RAB28: variants seen among roughly 807,000 people sequenced by gnomAD.
The protein encoded by RAB28 is RAB28, member RAS oncogene family.
In RAB28, 24 loss-of-function variants were observed where a neutral mutation model predicts 31.7. The observed-to-expected ratio is 0.76, with a 90% CI of 0.55 to 1.06. RAB28 has a LOEUF of 1.06. Among genes scored for constraint, RAB28 ranks in the 50% least tolerant of loss-of-function variants. RAB28 has a pLI of 0.00. For synonymous variants in RAB28, 100 were observed against 90.4 expected, an observed-to-expected ratio of 1.11 and a Z score of -0.60; for missense variants, 254 against 258.5, an observed-to-expected ratio of 0.98 and a Z score of 0.12.
intron 4 of RAB28, among the ~76,000 whole-genome samples, chr4:13,413,916 CAGAG>C (rs575640208): frequency 1.2e-4 from 18 of 152,280 alleles, no homozygotes; most frequent in African/African-American, 4.3e-4. Context: ...TAGTCTTTCT[CAGAG>C]GGAAACTACA....
chr4:13,400,847 C>A (rs949292504), intron 4 of RAB28, among the ~76,000 whole-genome samples: 5 of 152,120 alleles, frequency 3.3e-5, no homozygotes, highest in African/African-American at 1.2e-4. Context: ...CTTATTTAGC[C>A]TACTGATATG....
chr4:13,381,656 A>T, intron 4 of RAB28, 62 bp from the exon 5 acceptor site: 1 of 1,230,008 alleles, frequency 8.1e-7, no homozygotes, highest in Non-Finnish European at 1.1e-6. Flanking sequence ...CGTTTTTAAC[A>T]TGTTTAAATT....
chr4:13,408,562 T>C (rs952808890), intron 4 of RAB28, among the ~76,000 whole-genome samples: 19 of 152,126 alleles, frequency 1.2e-4, no homozygotes, highest in African/African-American at 4.6e-4. Context: ...ACTTTTTCTA[T>C]TGCTTGGAAT....
Position 13,423,222 on chromosome 4 carries a change from A to G in RAB28, c.391+37477T>C, listed in dbSNP as rs531105319. On this transcript the variant is annotated intron_variant, in intron 4 of 6. Transcript: ENST00000330852. ...CACTTTTTGTTATGGCCCATGAGCT[A>G]AGAACAGTTGTAACCTTTAAAAAAG... 1.2e-3 allele frequency among the ~76,000 whole-genome samples: 185 copies of G among 152,244 alleles called. 2 individuals carry two copies. The highest frequency in any genetic ancestry group is 4.3e-3 in the African/African-American group (177 of 41,552).
At chr4:13,434,227 G>C (rs1399083819) in intron 4 of RAB28, among the ~76,000 whole-genome samples, 1 of 152,150 alleles carries the variant, frequency 6.6e-6, no homozygotes, top group East Asian at 1.9e-4. Context: ...ATCAGTACCT[G>C]GGTGATGGGA....
At chr4:13,373,687 T>G (rs536574021) in intron 6 of RAB28, among the ~76,000 whole-genome samples, 1 of 152,270 alleles carries the variant, frequency 6.6e-6, no homozygotes, top group African/African-American at 2.4e-5. Flanking sequence ...AGGAGCAATC[T>G]AGGTTAGAAA....
intron 4 of RAB28, among the ~76,000 whole-genome samples, chr4:13,430,558 G>C (rs997905379): frequency 1.3e-5 from 2 of 152,162 alleles, no homozygotes; most frequent in African/African-American, 4.8e-5. Context: ...ACCGGGAATG[G>C]AGAACCAGGT....
chr4:13,474,276 G>A lies in RAB28; in HGVS notation c.261+42C>T, dbSNP rs775153540. On this transcript the variant is annotated intron_variant, in intron 3 of 6. Coordinates refer to ENST00000330852, the MANE Select transcript of RAB28 (RefSeq NM_001017979.3). ...TAGATTTGCATGTGTGCTTGTAAGT[G>A]GTATACTTTCAATACTGGAATAATC... 37 of 1,270,416 alleles carry A rather than the reference G, an allele frequency of 2.9e-5. No individual in the cohort carries two copies. The East Asian group carries it at 8.6e-4, about 29-fold the overall frequency. The allele number at this position is 1,270,416 out of a possible 1,614,324, so 78.7% of individuals were successfully genotyped here. A position where few individuals can be genotyped will look rare whatever the true frequency, so the allele number is the denominator to read the frequency against.
intron 4 of RAB28, among the ~76,000 whole-genome samples, chr4:13,423,841 G>T (rs1713319129): frequency 6.6e-6 from 1 of 152,216 alleles, no homozygotes; most frequent in South Asian, 2.1e-4. Context: ...ATAATTATAA[G>T]CTGATTCTAC....
chr4:13,428,735 G>A (rs1434664290), intron 4 of RAB28, among the ~76,000 whole-genome samples: 1 of 151,948 alleles, frequency 6.6e-6, no homozygotes, highest in African/African-American at 2.4e-5. Context: ...GGTTATTTGA[G>A]GAAATAACAG....
At chr4:13,472,474 T>C (rs1577247573) in intron 3 of RAB28, among the ~76,000 whole-genome samples, 3 of 151,774 alleles carry the variant, frequency 2.0e-5, no homozygotes, top group Admixed American at 1.3e-4. Context: ...ATGGGCATAA[T>C]ACTCCCCTAA....
rs369599116 is a variant in RAB28 at position 13,416,133 on chromosome 4, A to G, written c.392-34539T>C. ...CAATCAGCAGGATGTGGGTGGGGCC[A>G]GATAAGAAAATAAAAGCAGGCTGCC... On this transcript the variant is annotated intron_variant, in intron 4 of 6. Coordinates refer to ENST00000330852, the MANE Select transcript of RAB28 (RefSeq NM_001017979.3). Among the ~76,000 whole-genome samples, 4 of 152,244 alleles carry G rather than the reference A, an allele frequency of 2.6e-5. No homozygotes were observed. The East Asian group carries it at 7.7e-4, about 29-fold the overall frequency.
chr4:13,393,100 A>T (rs1454949076), intron 4 of RAB28, among the ~76,000 whole-genome samples: 3 of 152,244 alleles, frequency 2.0e-5, no homozygotes, highest in Admixed American at 2.0e-4. Context: ...TAAGAGGGAC[A>T]CAAATAAAAA....
Position 13,385,875 on chromosome 4 carries a change from G to GT in RAB28, c.392-4282dup, listed in dbSNP as rs1240858762. On this transcript the variant is annotated intron_variant, in intron 4 of 6. Coordinates refer to ENST00000330852, the MANE Select transcript of RAB28 (RefSeq NM_001017979.3). ...TAAGCAAAAATCAACTCAAAATGGA[G>GT]TAAAGGCTTAAATTTAAGACCAGAA... is the stretch of plus-strand genomic sequence containing the variant. 2.0e-5 allele frequency among the ~76,000 whole-genome samples: 3 copies of GT among 152,208 alleles called. No homozygotes were observed. In the East Asian group the frequency reaches 5.8e-4, roughly 29 times the overall value.
chr4:13,403,762 A>G (rs1711914392), intron 4 of RAB28, among the ~76,000 whole-genome samples: 1 of 152,220 alleles, frequency 6.6e-6, no homozygotes, highest in Non-Finnish European at 1.5e-5. Context: ...GCAATCATGA[A>G]TGAGTAAATA....
At chr4:13,378,695 G>A (rs1323518502) in intron 5 of RAB28, among the ~76,000 whole-genome samples, 1 of 152,170 alleles carries the variant, frequency 6.6e-6, no homozygotes, top group Non-Finnish European at 1.5e-5. Context: ...AGTACACAAT[G>A]GAGAAGTTGG....
At chr4:13,463,862 A>T (rs530018663) in intron 3 of RAB28, among the ~76,000 whole-genome samples, 4 of 152,244 alleles carry the variant, frequency 2.6e-5, no homozygotes, top group African/African-American at 7.2e-5. Context: ...AAGGAATTAT[A>T]GGACCTTCAC....
chr4:13,458,742 T>A (rs894131406), intron 4 of RAB28, among the ~76,000 whole-genome samples: 1 of 152,228 alleles, frequency 6.6e-6, no homozygotes, highest in Middle Eastern at 3.2e-3. Context: ...AGATAAATAC[T>A]CACCATTGTG....
Position 13,427,498 on chromosome 4 carries a change from A to G in RAB28, c.391+33201T>C, listed in dbSNP as rs186774908. The stretch of plus-strand genomic sequence containing the variant: ...GGAGAAAACAAGGAGAGTATGTATG[A>G]GCTTGCAAATAGAGGAAGCCAAGGT... On this transcript the variant is annotated intron_variant, in intron 4 of 6. Transcript: ENST00000330852. Among the ~76,000 whole-genome samples the G allele has an allele frequency of 1.4e-3, 219 of 152,340 alleles. 2 individuals carry two copies. Among genetic ancestry groups the G allele is most frequent in the African/African-American group, 5.1e-3 (210 of 41,584 alleles).
Sources: allele counts gnomAD v4.1 joint callset (sites outside exome capture counted in the v4.1 genomes callset), GRCh38; gene constraint gnomAD v4.1.1; transcripts MANE v1.5; gene names NCBI Gene and HGNC (gene_info 2026-07-23, HGNC 2026-07-21).